Variants in BBS9 observed in about 807,000 individuals in gnomAD.
BBS9 encodes Bardet-Biedl syndrome 9, also known as protein PTHB1.
In BBS9, 89 loss-of-function variants were observed where a neutral mutation model predicts 117.7. The ratio of observed to expected loss-of-function variants is 0.76; its 90% CI spans 0.64 to 0.90. The LOEUF (loss-of-function observed/expected upper bound fraction) is 0.90, where lower values mean the gene tolerates loss of function less well. Ranked by LOEUF, BBS9 falls within the 40% of genes least tolerant of loss-of-function variation. The probability of loss-of-function intolerance (pLI) is 0.00; values close to 1 mark genes in which losing one functional copy is unlikely to be tolerated. For missense variants in BBS9, 982 were observed against 1,042.2 expected (o/e 0.94, Z 0.80); for synonymous variants, 379 against 370.9 (o/e 1.02, Z -0.25).
At chr7:33,279,479 T>G (rs1801411553) in intron 9 of BBS9, among the ~76,000 whole-genome samples, 1 of 152,270 alleles carries the variant, frequency 6.6e-6, no homozygotes, top group Non-Finnish European at 1.5e-5. Flanking sequence ...AGAAGCTTCC[T>G]TGGCTGAATG....
At chr7:33,503,211 G>T (rs758465449) in intron 19 of BBS9, among the ~76,000 whole-genome samples, 29 of 152,092 alleles carry the variant, frequency 1.9e-4, no homozygotes, top group Admixed American at 1.1e-3. Context: ...GAATTTCAAG[G>T]CAGAGACAGC....
chr7:33,475,292 G>A (rs994331177), intron 19 of BBS9, among the ~76,000 whole-genome samples: 3 of 152,116 alleles, frequency 2.0e-5, no homozygotes, highest in African/African-American at 7.2e-5. Flanking sequence ...TAAGCCCATG[G>A]GCCATAGTTT....
At chr7:33,397,055 A>G (rs1240193057) in intron 19 of BBS9, among the ~76,000 whole-genome samples, 3 of 152,320 alleles carry the variant, frequency 2.0e-5, no homozygotes, top group African/African-American at 7.2e-5. Flanking sequence ...AGAATGGGAG[A>G]AAATATTTGC....
At chr7:33,621,483 A>G (rs1036004260) in intron 21 of BBS9, among the ~76,000 whole-genome samples, 3 of 152,168 alleles carry the variant, frequency 2.0e-5, no homozygotes, top group Non-Finnish European at 4.4e-5. Flanking sequence ...TTAAACCACA[A>G]TGAGATATCA....
At chr7:33,582,393 A>G (rs1860109890) in intron 21 of BBS9, among the ~76,000 whole-genome samples, 2 of 152,094 alleles carry the variant, frequency 1.3e-5, no homozygotes, top group Admixed American at 1.3e-4. Context: ...GAAGGGGCTA[A>G]GTGAAGGCCA....
intron 1 of BBS9, among the ~76,000 whole-genome samples, chr7:33,130,362 G>A (rs1789391493): frequency 6.6e-6 from 1 of 152,138 alleles, no homozygotes; most frequent in Admixed American, 6.6e-5. Flanking sequence ...ACTGAAGTAG[G>A]ATGCATGTAC....
At chr7:33,322,931 C>A (rs1008319878) in intron 9 of BBS9, among the ~76,000 whole-genome samples, 2 of 152,068 alleles carry the variant, frequency 1.3e-5, no homozygotes, top group Admixed American at 6.5e-5. Flanking sequence ...TGGAATATTA[C>A]ATTTCCATTA....
intron 21 of BBS9, among the ~76,000 whole-genome samples, chr7:33,566,252 G>A (rs1856916710): frequency 6.6e-6 from 1 of 151,288 alleles, no homozygotes; most frequent in African/African-American, 2.4e-5. Context: ...AAGAATTAAT[G>A]CTTTTTTAAA....
intron 21 of BBS9, among the ~76,000 whole-genome samples, chr7:33,595,012 C>G (rs962573755): frequency 1.3e-5 from 2 of 151,938 alleles, no homozygotes; most frequent in East Asian, 3.9e-4. Flanking sequence ...GAAACTGGAC[C>G]CCTTCCTTAG....
At chr7:33,175,213 A>G (rs1583473429) in intron 4 of BBS9, among the ~76,000 whole-genome samples, 1 of 152,114 alleles carries the variant, frequency 6.6e-6, no homozygotes, top group South Asian at 2.1e-4. Flanking sequence ...CTGAGGCAAG[A>G]GAATTGCTTG....
intron 5 of BBS9, among the ~76,000 whole-genome samples, chr7:33,199,030 A>G (rs1242695547): frequency 6.6e-6 from 1 of 151,984 alleles, no homozygotes; most frequent in Non-Finnish European, 1.5e-5. Context: ...TGGTTTTCTC[A>G]GCAGTATTAG....
intron 21 of BBS9, among the ~76,000 whole-genome samples, chr7:33,562,965 A>G (rs1856317393): frequency 6.6e-6 from 1 of 152,182 alleles, no homozygotes; most frequent in Admixed American, 6.5e-5. Context: ...CATTCTTAAC[A>G]TATTTTTACA....
chr7:33,540,827 C>T (rs1852176344), intron 21 of BBS9, among the ~76,000 whole-genome samples: 1 of 152,140 alleles, frequency 6.6e-6, no homozygotes, highest in African/African-American at 2.4e-5. Context: ...GGATTCTCTC[C>T]CCTCCCATCT....
chr7:33,630,349 A>G (rs528820753), intron 21 of BBS9, among the ~76,000 whole-genome samples: 3 of 150,764 alleles, frequency 2.0e-5, no homozygotes, highest in African/African-American at 7.3e-5. Context: ...ACAAGTTCAA[A>G]TTTTTTTTTT....
intron 16 of BBS9, among the ~76,000 whole-genome samples, chr7:33,363,188 C>T (rs554817995): frequency 8.5e-5 from 13 of 152,222 alleles, no homozygotes; most frequent in East Asian, 3.9e-4. Context: ...CTGCACCCTT[C>T]GCCTCCCAGG....
At chr7:33,193,514 C>G (rs140929737) in intron 5 of BBS9, among the ~76,000 whole-genome samples, 149 of 149,820 alleles carry the variant, frequency 9.9e-4, no homozygotes, top group African/African-American at 3.5e-3. Flanking sequence ...TTGGCCCACT[C>G]TGTTTGGGCC....
chr7:33,194,767 C>T (rs997566558), intron 5 of BBS9, among the ~76,000 whole-genome samples: 1 of 152,166 alleles, frequency 6.6e-6, no homozygotes, highest in Non-Finnish European at 1.5e-5. Flanking sequence ...TTAGAAACTT[C>T]TCTTCCATGC....
intron 21 of BBS9, among the ~76,000 whole-genome samples, chr7:33,538,415 T>A (rs1034830901): frequency 3.3e-5 from 5 of 152,204 alleles, no homozygotes; most frequent in Non-Finnish European, 5.9e-5. Flanking sequence ...ATACAGAGTA[T>A]AAATGTGAAT....
intron 11 of BBS9, among the ~76,000 whole-genome samples, chr7:33,341,764 A>G (rs373552578): frequency 1.2e-4 from 19 of 152,152 alleles, no homozygotes; most frequent in African/African-American, 4.6e-4. Flanking sequence ...TCTATGAATA[A>G]GTGAATTAAT....
Sources: gnomAD v4.1 joint callset for allele counts (sites outside exome capture counted in the v4.1 genomes callset) on GRCh38, gnomAD v4.1.1 for gene constraint, MANE v1.5 for transcripts, NCBI Gene and HGNC (gene_info 2026-07-23, HGNC 2026-07-21) for gene names.